GRIK1: variants seen among roughly 807,000 people sequenced by gnomAD.
GRIK1 encodes the protein glutamate ionotropic receptor kainate type subunit 1, also known as glutamate receptor ionotropic, kainate 1.
Under a neutral mutation model 105.7 loss-of-function variants are expected in GRIK1, and 69 were observed. That is an observed-to-expected ratio of 0.65 (90% CI 0.54 to 0.80). GRIK1 has a LOEUF of 0.80. Ranked by LOEUF, GRIK1 falls within the 30% of genes least tolerant of loss-of-function variation. The pLI, the probability that GRIK1 is intolerant of heterozygous loss-of-function variation, is 0.00. For synonymous variants in GRIK1, 438 were observed against 431.3 expected, an observed-to-expected ratio of 1.02 and a Z score of -0.19; for missense variants, 1,109 against 1,167.3, an observed-to-expected ratio of 0.95 and a Z score of 0.73.
chr21:29,882,552 C>T lies in GRIK1; in HGVS notation c.118+56831G>A, dbSNP rs144964909. ...AATGACACTCCAATGTGTGGTTTGA[C>T]GCCTGGAAGAAGCAGCTCATGATGG... On this transcript the variant is annotated intron_variant, in intron 1 of 17. Coordinates refer to ENST00000327783, the MANE Select transcript of GRIK1 (RefSeq NM_001330994.2). Among the ~76,000 whole-genome samples, 65 of 152,134 alleles carry T rather than the reference C, an allele frequency of 4.3e-4. 2 individuals are homozygous for T. In the East Asian group the frequency reaches 0.011, roughly 25 times the overall value.
At chr21:29,842,656 A>G (rs1229276143) in intron 1 of GRIK1, among the ~76,000 whole-genome samples, 1 of 152,224 alleles carries the variant, frequency 6.6e-6, no homozygotes, top group African/African-American at 2.4e-5. Context: ...TCTAATCAAC[A>G]AAAGAAAAGC....
At chr21:29,893,273 T>C (rs1463436548) in intron 1 of GRIK1, among the ~76,000 whole-genome samples, 4 of 152,218 alleles carry the variant, frequency 2.6e-5, no homozygotes, top group African/African-American at 9.6e-5. Flanking sequence ...CTGGGTAACC[T>C]TAGAAAAGGC....
chr21:29,549,283 T>C (rs1019990019), intron 16 of GRIK1, among the ~76,000 whole-genome samples: 2 of 152,194 alleles, frequency 1.3e-5, no homozygotes, highest in African/African-American at 4.8e-5. Context: ...TCAAGCTAGT[T>C]TTAATAAAAA....
At chr21:29,837,216 A>G (rs2067832923) in intron 1 of GRIK1, among the ~76,000 whole-genome samples, 1 of 152,002 alleles carries the variant, frequency 6.6e-6, no homozygotes, top group Non-Finnish European at 1.5e-5. Flanking sequence ...CTACAAGGAG[A>G]GTTGTTAGAG....
chr21:29,935,458 A>C (rs745711357), intron 1 of GRIK1, among the ~76,000 whole-genome samples: 4 of 152,318 alleles, frequency 2.6e-5, no homozygotes, highest in Non-Finnish European at 4.4e-5. Flanking sequence ...AATGATGAAA[A>C]AACTAAGTGC....
intron 1 of GRIK1, among the ~76,000 whole-genome samples, chr21:29,813,034 C>G (rs577053740): frequency 2.4e-4 from 37 of 152,176 alleles, no homozygotes; most frequent in African/African-American, 8.4e-4. Context: ...TCAGTGAGTA[C>G]AGTACTGTGG....
At chr21:29,871,800 G>C (rs1035831307) in intron 1 of GRIK1, among the ~76,000 whole-genome samples, 8 of 128,050 alleles carry the variant, frequency 6.2e-5, no homozygotes, top group African/African-American at 1.8e-4. Flanking sequence ...GTCTTGCTCA[G>C]TCACTCAGGC....
At chr21:29,685,281 C>G (rs778484672) in intron 3 of GRIK1, among the ~76,000 whole-genome samples, 5 of 152,184 alleles carry the variant, frequency 3.3e-5, no homozygotes, top group Non-Finnish European at 7.3e-5. Context: ...GCTGTCTTGA[C>G]TATTTTCCCC....
At position 29,852,961 on chromosome 21, in the gene GRIK1, CT is replaced by C. The variant is rs2068354826; in HGVS notation, c.118+86421del. ...TTTTGGTAATGTAATTCATTCTGAT[CT>C]TATATCCCAAAGCTTTAAGATTTGC... On this transcript the variant is annotated intron_variant, in intron 1 of 17. Coordinates refer to ENST00000327783, the MANE Select transcript of GRIK1 (RefSeq NM_001330994.2). 5.3e-5 allele frequency among the ~76,000 whole-genome samples: 8 copies of C among 152,270 alleles called. 1 individual carries two copies. In the South Asian group the frequency reaches 1.7e-3, roughly 32 times the overall value.
At position 29,870,717 on chromosome 21, in the gene GRIK1, CT is replaced by C. The variant is rs1397528074; in HGVS notation, c.118+68665del. Among the ~76,000 whole-genome samples the C allele has an allele frequency of 1.2e-4, 19 of 152,162 alleles. 1 individual carries two copies. In the East Asian group the frequency reaches 3.3e-3, roughly 26 times the overall value. On this transcript the variant is annotated intron_variant, in intron 1 of 17. Transcript: ENST00000327783. ...CAGAGCTTCTTCATACTTCACTTAG[CT>C]TTTTCCTAAATCCAGTCTAGTTTTC...
chr21:29,614,912 A>G (rs895841390), intron 7 of GRIK1, among the ~76,000 whole-genome samples: 5 of 151,410 alleles, frequency 3.3e-5, no homozygotes, highest in Non-Finnish European at 7.4e-5. Flanking sequence ...TCCCCCAGTA[A>G]ATTTTTAGAA....
At chr21:29,817,848 C>T (rs1309823744) in intron 1 of GRIK1, among the ~76,000 whole-genome samples, 2 of 152,060 alleles carry the variant, frequency 1.3e-5, no homozygotes, top group African/African-American at 4.8e-5. Context: ...GTTATGTGCC[C>T]AATATGAGAA....
intron 4 of GRIK1, among the ~76,000 whole-genome samples, chr21:29,671,635 G>T (rs1355717650): frequency 6.6e-6 from 1 of 152,086 alleles, no homozygotes; most frequent in Non-Finnish European, 1.5e-5. Context: ...CTGCGAAGGG[G>T]TTTATCTACT....
intron 1 of GRIK1, among the ~76,000 whole-genome samples, chr21:29,809,112 A>T (rs1443712749): frequency 6.6e-6 from 1 of 152,146 alleles, no homozygotes; most frequent in Non-Finnish European, 1.5e-5. Context: ...CATCATGAAA[A>T]GTGGGAAGAA....
chr21:29,800,677 T>A (rs1426666907), intron 1 of GRIK1, among the ~76,000 whole-genome samples: 1 of 152,234 alleles, frequency 6.6e-6, no homozygotes, highest in Admixed American at 6.5e-5. Flanking sequence ...AGGCTTTTGA[T>A]GAATACCTTC....
intron 1 of GRIK1, among the ~76,000 whole-genome samples, chr21:29,886,219 G>A (rs1224902258): frequency 2.0e-5 from 3 of 152,108 alleles, no homozygotes; most frequent in South Asian, 2.1e-4. Context: ...ATGCCTGTGA[G>A]TTCCAAGGGA....
chr21:29,595,720 CAG>C (rs2061400527), intron 9 of GRIK1, among the ~76,000 whole-genome samples: 1 of 151,216 alleles, frequency 6.6e-6, no homozygotes, highest in Non-Finnish European at 1.5e-5. Flanking sequence ...GAGAGAGAGA[CAG>C]AGAGGGAAGG....
chr21:29,695,975 T>G (rs1018529415), intron 1 of GRIK1, among the ~76,000 whole-genome samples: 6 of 152,256 alleles, frequency 3.9e-5, no homozygotes, highest in Non-Finnish European at 1.5e-5. Context: ...TTATGTGCAT[T>G]TTTTGTTAGA....
At chr21:29,809,358 G>C (rs1327894275) in intron 1 of GRIK1, among the ~76,000 whole-genome samples, 4 of 152,152 alleles carry the variant, frequency 2.6e-5, no homozygotes, top group Admixed American at 6.5e-5. Context: ...TGTAGTCTAA[G>C]TGTGCAACAG....
Sources: allele counts gnomAD v4.1 joint callset (sites outside exome capture counted in the v4.1 genomes callset), GRCh38; gene constraint gnomAD v4.1.1; transcripts MANE v1.5; gene names NCBI Gene and HGNC (gene_info 2026-07-23, HGNC 2026-07-21).